Variants in ACER2 observed in about 807,000 individuals in gnomAD.
The protein encoded by ACER2 is alkaline ceramidase 2.
Under a neutral mutation model 34.7 loss-of-function variants are expected in ACER2, and 26 were observed. The ratio of observed to expected loss-of-function variants is 0.75; its 90% CI spans 0.55 to 1.04. ACER2 has a LOEUF of 1.04. Among genes scored for constraint, ACER2 ranks in the 50% least tolerant of loss-of-function variants. The pLI, the probability that ACER2 is intolerant of heterozygous loss-of-function variation, is 0.00. For missense variants in ACER2, 352 were observed against 340.8 expected, an observed-to-expected ratio of 1.03 and a Z score of -0.26; for synonymous variants, 138 against 132.1, an observed-to-expected ratio of 1.04 and a Z score of -0.31.
intron 1 of ACER2, among the ~76,000 whole-genome samples, chr9:19,412,482 A>G (rs1830113407): frequency 6.6e-6 from 1 of 151,938 alleles, no homozygotes; most frequent in South Asian, 2.1e-4. Flanking sequence ...GTGAAACCTC[A>G]TCTCTACTAA....
At chr9:19,448,364 G>A (rs187220542) in intron 5 of ACER2, among the ~76,000 whole-genome samples, 9 of 152,090 alleles carry the variant, frequency 5.9e-5, no homozygotes, top group Non-Finnish European at 4.4e-5. Flanking sequence ...TAGATCTAAT[G>A]CTATACAGAC....
intron 4 of ACER2, among the ~76,000 whole-genome samples, chr9:19,443,094 G>T (rs750045313): frequency 6.6e-6 from 1 of 150,558 alleles, no homozygotes; most frequent in Non-Finnish European, 1.5e-5. Context: ...GCAGTGGCGC[G>T]ATCTCGGCTC....
chr9:19,425,639 G>A (rs766223785), intron 3 of ACER2, among the ~76,000 whole-genome samples: 1 of 152,148 alleles, frequency 6.6e-6, no homozygotes, highest in African/African-American at 2.4e-5. Flanking sequence ...AAGCTGATAA[G>A]GGTATAGTGG....
chr9:19,428,567 C>CA (rs1805508935), intron 3 of ACER2, among the ~76,000 whole-genome samples: 1 of 151,480 alleles, frequency 6.6e-6, no homozygotes, highest in African/African-American at 2.4e-5. Flanking sequence ...TTGGATCAGA[C>CA]AACATGGCTT....
At chr9:19,412,059 G>A (rs567249259) in intron 1 of ACER2, among the ~76,000 whole-genome samples, 2 of 152,292 alleles carry the variant, frequency 1.3e-5, no homozygotes, top group African/African-American at 4.8e-5. Flanking sequence ...AGCTATAAGT[G>A]CCACTGTAAC....
intron 5 of ACER2, among the ~76,000 whole-genome samples, chr9:19,449,999 T>A (rs1831507935): frequency 6.6e-6 from 1 of 152,130 alleles, no homozygotes; most frequent in Non-Finnish European, 1.5e-5. Flanking sequence ...ATAAATTTTT[T>A]AAAATTTCCA....
intron 4 of ACER2, among the ~76,000 whole-genome samples, chr9:19,439,622 C>A (rs1460628905): frequency 6.6e-6 from 1 of 152,176 alleles, no homozygotes; most frequent in Non-Finnish European, 1.5e-5. Flanking sequence ...AATCCACATC[C>A]ACATCTCTAG....
chr9:19,411,181 T>A (rs10118158), intron 1 of ACER2, among the ~76,000 whole-genome samples: 147,399 of 152,284 alleles, frequency 0.97, 71,372 homozygotes, highest in East Asian at 1. Flanking sequence ...TTTCAGAAAC[T>A]AACTGTTGAT....
chr9:19,409,171 T>A lies in ACER2; in HGVS notation c.87T>A (p.Ala29=). 6.2e-7 allele frequency: 1 copy of A among 1,600,070 alleles called. No homozygotes were observed. Among genetic ancestry groups the A allele is most frequent in the Non-Finnish European group, 8.5e-7 (1 of 1,173,980 alleles). ...AGGACAACTACACCATCGTGCCTGC[T>A]ATCGCCGAGTTCTACAACACGGTGC... The part of the protein sequence containing the change: ...WCEDNYTIVP[A]IAEFYNTISN... The change falls in exon 1 of 6, where the codon GCT becomes GCA. Residue 29 remains alanine, a synonymous_variant. Coordinates refer to ENST00000340967, the MANE Select transcript of ACER2 (RefSeq NM_001010887.3).
At chr9:19,434,891 A>G (rs1830909143) in intron 3 of ACER2, 56 bp from the exon 4 acceptor site, 1 of 1,604,012 alleles carries the variant, frequency 6.2e-7, no homozygotes, top group Non-Finnish European at 8.5e-7. Context: ...CATTAAACAA[A>G]CAAACAAACA....
intron 1 of ACER2, among the ~76,000 whole-genome samples, 200 bp from the exon 2 acceptor site, chr9:19,423,662 C>T (rs1589042188): frequency 6.6e-6 from 1 of 152,168 alleles, no homozygotes; most frequent in Non-Finnish European, 1.5e-5. Context: ...GATCGTACCA[C>T]TGCATTTCAG....
intron 1 of ACER2, among the ~76,000 whole-genome samples, chr9:19,421,199 A>G (rs1011720764): frequency 5.9e-5 from 9 of 152,216 alleles, no homozygotes; most frequent in African/African-American, 2.2e-4. Context: ...CCATTATAAT[A>G]TGGGTCCACT....
intron 3 of ACER2, among the ~76,000 whole-genome samples, chr9:19,434,386 G>C (rs573002307): frequency 0.021 from 3,173 of 152,290 alleles, 103 homozygotes; most frequent in African/African-American, 0.072. Flanking sequence ...CCGGGCAGAG[G>C]CTGCAATCTC....
chr9:19,419,707 A>G (rs532665824), intron 1 of ACER2, among the ~76,000 whole-genome samples: 22 of 152,310 alleles, frequency 1.4e-4, no homozygotes, highest in African/African-American at 5.1e-4. Context: ...ACATTACAGT[A>G]AGGTGAGATC....
At chr9:19,424,007 A>C in intron 2 of ACER2, 31 bp downstream of exon 2, 1 of 1,517,192 alleles carries the variant, frequency 6.6e-7, no homozygotes, top group Non-Finnish European at 9.2e-7. Context: ...ACACGGACTT[A>C]ATGGGGTGGT....
At chr9:19,446,540 A>G (rs1589070334) in intron 5 of ACER2, 122 bp downstream of exon 5, 1 of 1,542,718 alleles carries the variant, frequency 6.5e-7, no homozygotes, top group Admixed American at 1.9e-5. Flanking sequence ...TTCTCTCCTC[A>G]GGTGGACGGT....
At chr9:19,420,876 G>A (rs1169448669) in intron 1 of ACER2, among the ~76,000 whole-genome samples, 1 of 152,072 alleles carries the variant, frequency 6.6e-6, no homozygotes, top group African/African-American at 2.4e-5. Context: ...TTAGAAGAGC[G>A]CTAATCCAAT....
At chr9:19,432,709 AAATATAT>A (rs1218288039) in intron 3 of ACER2, among the ~76,000 whole-genome samples, 29 of 148,044 alleles carry the variant, frequency 2.0e-4, no homozygotes, top group African/African-American at 6.8e-4. Flanking sequence ...GTTATATATA[AAATATAT>A]AATATATATT....
chr9:19,433,901 G>A (rs1589053500), intron 3 of ACER2, among the ~76,000 whole-genome samples: 2 of 151,752 alleles, frequency 1.3e-5, no homozygotes, highest in South Asian at 2.1e-4. Context: ...GCGGCTGGCC[G>A]GGTAGGGGGC....
Sources: gnomAD v4.1 joint callset for allele counts (sites outside exome capture counted in the v4.1 genomes callset) on GRCh38, gnomAD v4.1.1 for gene constraint, MANE v1.5 for transcripts, NCBI Gene and HGNC (gene_info 2026-07-23, HGNC 2026-07-21) for gene names.